The following DSCAM variants were observed in gnomAD, a reference collection of about 807,000 sequenced individuals.
DSCAM encodes the protein cell adhesion molecule DSCAM.
A neutral mutation model predicts 217.7 loss-of-function variants in DSCAM; 47 were observed. The observed-to-expected ratio is 0.22, with a 90% CI of 0.17 to 0.28. The LOEUF is 0.28. Among genes scored for constraint, DSCAM ranks in the 10% least tolerant of loss-of-function variants. The pLI is 1.00. For synonymous variants in DSCAM, 1,056 were observed against 1,015.3 expected (o/e 1.04, Z -0.76); for missense variants, 2,080 against 2,618.3 (o/e 0.79, Z 4.49).
chr21:40,210,350 A>AT (rs2091169802), intron 11 of DSCAM, among the ~76,000 whole-genome samples: 1 of 152,092 alleles, frequency 6.6e-6, no homozygotes, highest in South Asian at 2.1e-4. Flanking sequence ...ATCTTTTGGC[A>AT]TTTACTTTTA....
At position 40,330,166 on chromosome 21, in the gene DSCAM, A is replaced by G. The variant is rs573770431; in HGVS notation, c.1783+7935T>C. Among the ~76,000 whole-genome samples the G allele has an allele frequency of 3.3e-5, 5 of 150,862 alleles. No individual in the cohort carries two copies. In the South Asian group the frequency reaches 1.0e-3, roughly 31 times the overall value. ...TTTATTTAAAATGTAAATACATATTATTTTATTTACAATGTAAAAAATCAT... is the reference window on the plus strand; with the variant it reads ...TTTATTTAAAATGTAAATACATATTGTTTTATTTACAATGTAAAAAATCAT... On this transcript the variant is annotated intron_variant, in intron 8 of 32. Coordinates refer to ENST00000400454, the MANE Select transcript of DSCAM (RefSeq NM_001389.5).
chr21:40,362,933 T>G (rs1346033456), intron 4 of DSCAM, among the ~76,000 whole-genome samples: 1 of 152,188 alleles, frequency 6.6e-6, no homozygotes, highest in Non-Finnish European at 1.5e-5. Context: ...ATCAATCATG[T>G]GCAAGCATCA....
At chr21:40,101,967 G>C (rs1188097372) in intron 20 of DSCAM, among the ~76,000 whole-genome samples, 2 of 152,132 alleles carry the variant, frequency 1.3e-5, no homozygotes, top group African/African-American at 4.8e-5. Context: ...CCTCGTAATA[G>C]GAAGGGCTTG....
chr21:40,700,735 CTTTTTT>C lies in DSCAM; in HGVS notation c.361+7713_361+7718del, dbSNP rs775869471. Among the ~76,000 whole-genome samples, 17 of 137,966 alleles carry C rather than the reference CTTTTTT, an allele frequency of 1.2e-4. No individual in the cohort carries two copies. In the Admixed American group the frequency reaches 1.2e-3, roughly 10 times the overall value. The allele number at this position is 137,966 out of a possible 152,430, so 90.5% of individuals were successfully genotyped here. A position where few individuals can be genotyped will look rare whatever the true frequency, so the allele number is the denominator to read the frequency against. On this transcript the variant is annotated intron_variant, in intron 2 of 32. Coordinates refer to ENST00000400454, the MANE Select transcript of DSCAM (RefSeq NM_001389.5). ...TATAATTTTTATTCTTTCTTTCTTT[CTTTTTT>C]TTTTTTTTTGAGATGGAGTCTCCCT...
intron 1 of DSCAM, among the ~76,000 whole-genome samples, chr21:40,796,097 G>C (rs1167773065): frequency 6.6e-6 from 1 of 152,186 alleles, no homozygotes; most frequent in Non-Finnish European, 1.5e-5. Flanking sequence ...TAGCTACTAA[G>C]TCACAATGGA....
intron 1 of DSCAM, among the ~76,000 whole-genome samples, chr21:40,722,688 C>T (rs932556444): frequency 8.6e-5 from 13 of 151,952 alleles, no homozygotes; most frequent in African/African-American, 3.1e-4. Flanking sequence ...CCAAATTGAC[C>T]ATCACATTAA....
intron 3 of DSCAM, among the ~76,000 whole-genome samples, chr21:40,548,957 C>T (rs1230075176): frequency 6.6e-6 from 1 of 152,170 alleles, no homozygotes; most frequent in African/African-American, 2.4e-5. Flanking sequence ...GTAATCCCAG[C>T]CTTTGGGAGA....
intron 3 of DSCAM, among the ~76,000 whole-genome samples, chr21:40,608,951 TATTA>T (rs535236639): frequency 2.6e-5 from 4 of 152,098 alleles, no homozygotes; most frequent in East Asian, 1.9e-4. Context: ...TTCAGATTGT[TATTA>T]ATTAATTAAT....
intron 3 of DSCAM, among the ~76,000 whole-genome samples, chr21:40,411,255 A>G (rs1412315396): frequency 6.6e-6 from 1 of 151,824 alleles, no homozygotes; most frequent in East Asian, 1.9e-4. Flanking sequence ...CAAGCAAACA[A>G]TAACAACAAA....
Position 40,804,735 on chromosome 21 carries a change from C to G in DSCAM, c.43+41884G>C, listed in dbSNP as rs116021733. On this transcript the variant is annotated intron_variant, in intron 1 of 32. Transcript: ENST00000400454. Reference sequence around the variant, plus strand: ...ACATTTTTATGGATTCTGTCCTAGGCCTTCTGTATCTGTTCATGCTACCTG... The same window carrying G: ...ACATTTTTATGGATTCTGTCCTAGGGCTTCTGTATCTGTTCATGCTACCTG... 8.3e-3 allele frequency among the ~76,000 whole-genome samples: 1,264 copies of G among 152,250 alleles called. 10 individuals carry two copies. The highest frequency in any genetic ancestry group is 0.029 in the African/African-American group (1,208 of 41,530).
intron 3 of DSCAM, among the ~76,000 whole-genome samples, chr21:40,403,958 T>C (rs1321111457): frequency 1.3e-5 from 2 of 152,218 alleles, no homozygotes; most frequent in African/African-American, 4.8e-5. Context: ...ATCACCATCA[T>C]GGCTACAACT....
At chr21:40,728,797 T>C (rs1026288044) in intron 1 of DSCAM, among the ~76,000 whole-genome samples, 1 of 152,180 alleles carries the variant, frequency 6.6e-6, no homozygotes. Flanking sequence ...CACCCATCAT[T>C]GTCACATTTA....
chr21:40,578,006 A>G (rs1231278394), intron 3 of DSCAM, among the ~76,000 whole-genome samples: 1 of 152,182 alleles, frequency 6.6e-6, no homozygotes, highest in Non-Finnish European at 1.5e-5. Flanking sequence ...TCTCTTAGCT[A>G]AGGGAGAATC....
chr21:40,194,079 C>G (rs2090982676), intron 11 of DSCAM, among the ~76,000 whole-genome samples: 1 of 152,124 alleles, frequency 6.6e-6, no homozygotes, highest in Non-Finnish European at 1.5e-5. Context: ...AGAGAAGTAC[C>G]TTGGCCAAAC....
chr21:40,127,668 A>C (rs1267587011), intron 19 of DSCAM, among the ~76,000 whole-genome samples: 1 of 152,066 alleles, frequency 6.6e-6, no homozygotes, highest in Non-Finnish European at 1.5e-5. Context: ...TCACAACAGC[A>C]CTCACCATCT....
chr21:40,499,694 TA>T (rs1295608514), intron 3 of DSCAM, among the ~76,000 whole-genome samples: 1 of 152,230 alleles, frequency 6.6e-6, no homozygotes, highest in Non-Finnish European at 1.5e-5. Context: ...ATTTAGCAAA[TA>T]TTTTTTGAAA....
chr21:40,361,062 A>G (rs546814549), intron 4 of DSCAM, among the ~76,000 whole-genome samples: 2 of 152,018 alleles, frequency 1.3e-5, no homozygotes, highest in South Asian at 4.2e-4. Flanking sequence ...AATCTGAATA[A>G]CCGAACGGCA....
At chr21:40,715,981 A>T (rs1235327827) in intron 1 of DSCAM, among the ~76,000 whole-genome samples, 2 of 152,232 alleles carry the variant, frequency 1.3e-5, no homozygotes, top group Admixed American at 1.3e-4. Flanking sequence ...ATAGTTTCTT[A>T]TTGAAAATCT....
At chr21:40,841,596 C>G (rs1487546584) in intron 1 of DSCAM, among the ~76,000 whole-genome samples, 3 of 152,142 alleles carry the variant, frequency 2.0e-5, no homozygotes, top group Non-Finnish European at 4.4e-5. Flanking sequence ...GGTCCCGGAG[C>G]CTTGCCTGCG....
Sources: allele counts gnomAD v4.1 joint callset (sites outside exome capture counted in the v4.1 genomes callset), GRCh38; gene constraint gnomAD v4.1.1; transcripts MANE v1.5; gene names NCBI Gene and HGNC (gene_info 2026-07-23, HGNC 2026-07-21).